Variants in HELZ observed in about 807,000 individuals in gnomAD.
HELZ encodes ATP-dependent RNA helicase with zinc finger domain.
In HELZ, 23 loss-of-function variants were observed where a neutral mutation model predicts 218.2. The ratio of observed to expected loss-of-function variants is 0.11; its 90% confidence interval spans 0.08 to 0.15. The LOEUF (loss-of-function observed/expected upper bound fraction) is 0.15. HELZ is among the 10% of genes least tolerant of loss of function. HELZ has a pLI of 1.00. For synonymous variants in HELZ, 814 were observed against 829.4 expected, an observed-to-expected ratio of 0.98 and a Z score of 0.32; for missense variants, 1,813 against 2,353.7, an observed-to-expected ratio of 0.77 and a Z score of 4.75.
intron 31 of HELZ, among the ~76,000 whole-genome samples, chr17:67,101,281 A>T (rs1402539880): frequency 6.6e-6 from 1 of 152,120 alleles, no homozygotes; most frequent in Non-Finnish European, 1.5e-5. Flanking sequence ...GGTGGGACAG[A>T]GGAGGAGGAA....
chr17:67,203,182 G>C, intron 6 of HELZ, 137 bp downstream of exon 6: 1 of 785,248 alleles, frequency 1.3e-6, no homozygotes, highest in East Asian at 2.6e-5. Flanking sequence ...TATATCTCAG[G>C]ATACTCATGA....
chr17:67,093,997 A>C (rs946260567), intron 31 of HELZ, among the ~76,000 whole-genome samples: 1 of 152,152 alleles, frequency 6.6e-6, no homozygotes, highest in African/African-American at 2.4e-5. Context: ...CGCAACATGT[A>C]ATTTACCCAT....
intron 23 of HELZ, among the ~76,000 whole-genome samples, chr17:67,130,997 C>T (rs927462449): frequency 2.0e-5 from 3 of 152,138 alleles, no homozygotes; most frequent in Non-Finnish European, 2.9e-5. Flanking sequence ...TCAAGCCTCT[C>T]GCCTCAGCCT....
chr17:67,182,711 C>T (rs896244864), intron 12 of HELZ, among the ~76,000 whole-genome samples: 1 of 152,082 alleles, frequency 6.6e-6, no homozygotes, highest in African/African-American at 2.4e-5. Flanking sequence ...GAAGGGGTTC[C>T]GCTATCAAAA....
chr17:67,113,352 T>C (rs1432954601), intron 28 of HELZ, among the ~76,000 whole-genome samples: 1 of 151,910 alleles, frequency 6.6e-6, no homozygotes, highest in South Asian at 2.1e-4. Flanking sequence ...CTCCGCCTCC[T>C]GGGTTCACGC....
chr17:67,170,348 C>T (rs1001373449), intron 13 of HELZ, among the ~76,000 whole-genome samples: 2 of 152,172 alleles, frequency 1.3e-5, no homozygotes, highest in African/African-American at 2.4e-5. Flanking sequence ...AACCCCGTCT[C>T]TACTAAAAAT....
At position 67,086,983 on chromosome 17, in the gene HELZ, A is replaced by G. The variant is rs1265438872; in HGVS notation, c.5340T>C (p.Ser1780=). 1 of 1,614,052 alleles carries G rather than the reference A, an allele frequency of 6.2e-7. No homozygotes were observed. Among genetic ancestry groups the G allele is most frequent in the Admixed American group, 1.7e-5 (1 of 60,010 alleles). The change falls in exon 32 of 33, where the codon AGT becomes AGC. Residue 1780 remains serine (S), a synonymous_variant. Transcript: ENST00000358691. ...CSEEVSTPQD[S]LAQCKELQDH... ...CCTGAAGCTCTTTACACTGAGCCAG[A>G]CTGTCTTGAGGAGTGCTTACTTCTT...
chr17:67,244,438 A>C, intron 1 of HELZ: 1 of 207,840 alleles, frequency 4.8e-6, no homozygotes, highest in Non-Finnish European at 8.4e-6. Flanking sequence ...AGGGGAGAGG[A>C]ATCGAAGTTC....
chr17:67,099,400 GAA>G (rs10536476), intron 31 of HELZ, among the ~76,000 whole-genome samples: 148,589 of 152,150 alleles, frequency 0.98, 72,600 homozygotes, highest in East Asian at 1. Context: ...GAGATTCTGT[GAA>G]GTTCAGTATC....
intron 21 of HELZ, among the ~76,000 whole-genome samples, chr17:67,144,943 G>T (rs888453363): frequency 2.6e-5 from 4 of 152,174 alleles, no homozygotes; most frequent in African/African-American, 9.7e-5. Flanking sequence ...GAGTACTGAT[G>T]ATTTTTTTGT....
chr17:67,182,804 G>A (rs2039650937), intron 12 of HELZ, among the ~76,000 whole-genome samples: 2 of 152,312 alleles, frequency 1.3e-5, no homozygotes, highest in African/African-American at 2.4e-5. Context: ...GAGAATAGCA[G>A]TGCTTGCATT....
At chr17:67,130,089 C>T (rs140411926) in intron 23 of HELZ, among the ~76,000 whole-genome samples, 1,670 of 152,148 alleles carry the variant, frequency 0.011, 19 homozygotes, top group South Asian at 0.019. Context: ...AATTCCAAAC[C>T]GTGCTTCTCT....
chr17:67,082,110 C>T (rs529586113), intron 32 of HELZ, among the ~76,000 whole-genome samples: 2 of 152,250 alleles, frequency 1.3e-5, no homozygotes, highest in East Asian at 1.9e-4. Flanking sequence ...TATCCGGCTC[C>T]CCTCATCAAC....
At chr17:67,231,470 G>A (rs1488332394) in intron 3 of HELZ, among the ~76,000 whole-genome samples, 2 of 151,876 alleles carry the variant, frequency 1.3e-5, no homozygotes, top group African/African-American at 4.8e-5. Flanking sequence ...GCAGGCGCCT[G>A]TAGTCCTAGC....
At chr17:67,237,387 T>C (rs572272193) in intron 3 of HELZ, among the ~76,000 whole-genome samples, 6 of 152,340 alleles carry the variant, frequency 3.9e-5, no homozygotes, top group African/African-American at 1.4e-4. Context: ...TCAGCCCAAG[T>C]TTCACTGTAA....
chr17:67,140,790 A>G (rs2038298890), intron 21 of HELZ, among the ~76,000 whole-genome samples: 3 of 152,232 alleles, frequency 2.0e-5, no homozygotes, highest in African/African-American at 7.2e-5. Flanking sequence ...CATATTAAAA[A>G]CTAAAGTCAA....
At chr17:67,142,933 A>AT (rs1053885693) in intron 21 of HELZ, among the ~76,000 whole-genome samples, 13 of 150,908 alleles carry the variant, frequency 8.6e-5, no homozygotes, top group Non-Finnish European at 1.5e-4. Context: ...ATTTTTTTGT[A>AT]TTTTTTTTGT....
At chr17:67,106,491 T>C (rs1427727186) in intron 31 of HELZ, among the ~76,000 whole-genome samples, 1 of 151,886 alleles carries the variant, frequency 6.6e-6, no homozygotes, top group Non-Finnish European at 1.5e-5. Flanking sequence ...CTATTTTTAG[T>C]AGAGACGGGG....
At position 67,109,206 on chromosome 17, in the gene HELZ, C is replaced by T; in HGVS notation, c.4399G>A (p.Ala1467Thr). 1 of 1,614,102 alleles carries T rather than the reference C, an allele frequency of 6.2e-7. No individual in the cohort carries two copies. Among genetic ancestry groups the T allele is most frequent in the Non-Finnish European group, 8.5e-7 (1 of 1,180,032 alleles). Reference protein sequence around the residue: ...MLQEGHSPLRAIAQPGPILPS... With the variant: ...MLQEGHSPLRTIAQPGPILPS... ...AGAATGGGGCCGGGTTGTGCAATGG[C>T]TCTCAGAGGACTGTGGCCTTCTTGC... The change falls in exon 29 of 33, where the codon GCC (alanine) becomes ACC (threonine). Residue 1467 changes from alanine (A) to threonine (T), a missense_variant. Transcript: ENST00000358691.
Sources: gnomAD v4.1 joint callset for allele counts (sites outside exome capture counted in the v4.1 genomes callset) on GRCh38, gnomAD v4.1.1 for gene constraint, MANE v1.5 for transcripts, NCBI Gene and HGNC (gene_info 2026-07-23, HGNC 2026-07-21) for gene names.